The following MEI4 variants were observed in gnomAD, a reference collection of about 807,000 sequenced individuals.
The protein encoded by MEI4 is meiosis-specific protein MEI4.
In MEI4, 27 loss-of-function variants were observed where a neutral mutation model predicts 31.4. The ratio of observed to expected loss-of-function variants is 0.86; its 90% CI spans 0.63 to 1.19. The LOEUF is 1.19. MEI4 is among the 50% of genes most tolerant of loss of function. MEI4 has a pLI of 0.00. For synonymous variants in MEI4, 122 were observed against 145.4 expected (o/e 0.84, Z 1.16); for missense variants, 329 against 398.9 (o/e 0.82, Z 1.49).
intron 4 of MEI4, among the ~76,000 whole-genome samples, chr6:77,853,939 A>T (rs1770691231): frequency 6.6e-6 from 1 of 152,194 alleles, no homozygotes; most frequent in Admixed American, 6.5e-5. Context: ...AGTTCAACAT[A>T]ATTCAACATT....
At chr6:77,704,204 C>T (rs1582041814) in intron 2 of MEI4, among the ~76,000 whole-genome samples, 2 of 152,268 alleles carry the variant, frequency 1.3e-5, no homozygotes, top group South Asian at 4.1e-4. Context: ...TCATTTCTGA[C>T]AGGTTTTCTA....
intron 4 of MEI4, among the ~76,000 whole-genome samples, chr6:77,897,114 A>G (rs1766097794): frequency 6.6e-6 from 1 of 152,060 alleles, no homozygotes; most frequent in Non-Finnish European, 1.5e-5. Flanking sequence ...TAACTTTCCC[A>G]GATCATATAG....
At chr6:77,880,230 G>GTTTTTTTTTTTTT (rs1562023809) in intron 4 of MEI4, among the ~76,000 whole-genome samples, 1 of 136,898 alleles carries the variant, frequency 7.3e-6, no homozygotes, top group African/African-American at 2.8e-5. Flanking sequence ...GGTTTTTTTT[G>GTTTTTTTTTTTTT]TTTGTTTTTT....
chr6:77,745,012 A>G (rs1044173756), intron 2 of MEI4, among the ~76,000 whole-genome samples: 3 of 152,228 alleles, frequency 2.0e-5, no homozygotes, highest in Non-Finnish European at 2.9e-5. Flanking sequence ...CCACTGCAAA[A>G]TCATGCGAAA....
At chr6:77,884,377 A>C (rs112172117) in intron 4 of MEI4, among the ~76,000 whole-genome samples, 2,784 of 152,206 alleles carry the variant, frequency 0.018, 40 homozygotes, top group Non-Finnish European at 0.03. Flanking sequence ...ATATGTGTCT[A>C]TTATTGTTTT....
chr6:77,823,561 G>A (rs1769877588), intron 3 of MEI4, among the ~76,000 whole-genome samples: 1 of 152,092 alleles, frequency 6.6e-6, no homozygotes, highest in South Asian at 2.1e-4. Context: ...TAGATGTTTT[G>A]GTTATTTCTA....
At chr6:77,901,719 A>G (rs1457556574) in intron 4 of MEI4, among the ~76,000 whole-genome samples, 2 of 152,104 alleles carry the variant, frequency 1.3e-5, no homozygotes, top group Admixed American at 1.3e-4. Flanking sequence ...TTAGCTTAGT[A>G]TAATTCCATT....
chr6:77,909,445 C>G (rs1361910109), intron 4 of MEI4, among the ~76,000 whole-genome samples: 3 of 152,106 alleles, frequency 2.0e-5, no homozygotes, highest in Non-Finnish European at 2.9e-5. Flanking sequence ...TGCAAATAAA[C>G]TAGAAAATGT....
Position 77,925,809 on chromosome 6 carries a change from TTTA to T in MEI4, c.*2465_*2467del, listed in dbSNP as rs1286286282. ...ATGAGAGTAAATATATATTAAATAT[TTTA>T]TATACATTTATATAATAAAATATAT... On this transcript the variant is annotated 3_prime_UTR_variant, in exon 5 of 5. Transcript: ENST00000684080. The T allele has an allele frequency of 2.7e-5, 4 of 148,202 alleles. No individual in the cohort carries two copies. The highest frequency in any genetic ancestry group is 6.0e-5 in the Non-Finnish European group (4 of 67,182). 9.2% of individuals were successfully genotyped at this position (148,202 alleles called of 1,614,324 possible).
chr6:77,757,883 C>T (rs1231080171), intron 2 of MEI4, among the ~76,000 whole-genome samples: 3 of 152,034 alleles, frequency 2.0e-5, no homozygotes, highest in African/African-American at 7.2e-5. Flanking sequence ...ATAGGACAGG[C>T]GTGGTGGCTC....
At chr6:77,795,022 A>T (rs1769039097) in intron 3 of MEI4, among the ~76,000 whole-genome samples, 2 of 152,200 alleles carry the variant, frequency 1.3e-5, no homozygotes, top group South Asian at 4.1e-4. Flanking sequence ...ATATATTAAG[A>T]TGAAGAAAAA....
intron 4 of MEI4, among the ~76,000 whole-genome samples, chr6:77,836,158 G>T (rs57609737): frequency 6.6e-6 from 1 of 152,016 alleles, no homozygotes; most frequent in Non-Finnish European, 1.5e-5. Context: ...CTCTTTAGGT[G>T]TCAGACATGT....
chr6:77,795,474 G>A (rs111701397), intron 3 of MEI4, among the ~76,000 whole-genome samples: 123 of 151,968 alleles, frequency 8.1e-4, no homozygotes, highest in African/African-American at 2.8e-3. Context: ...ACACGCACAT[G>A]ACAATAGAAA....
intron 1 of MEI4, among the ~76,000 whole-genome samples, chr6:77,667,515 A>G (rs1260918594): frequency 1.3e-5 from 2 of 152,304 alleles, no homozygotes; most frequent in Non-Finnish European, 2.9e-5. Flanking sequence ...TTTGGCATTC[A>G]TATATAATAT....
chr6:77,654,527 T>A (rs1433544320), intron 1 of MEI4, among the ~76,000 whole-genome samples: 2 of 77,700 alleles, frequency 2.6e-5, no homozygotes, highest in Non-Finnish European at 5.0e-5. Flanking sequence ...AACCACAGAT[T>A]GAATATGTTT....
intron 2 of MEI4, among the ~76,000 whole-genome samples, chr6:77,746,659 G>T (rs1254040231): frequency 3.3e-5 from 5 of 149,602 alleles, no homozygotes; most frequent in African/African-American, 1.2e-4. Flanking sequence ...GTGTGTGTGT[G>T]TGTGTGTGTG....
intron 3 of MEI4, among the ~76,000 whole-genome samples, chr6:77,816,651 T>C (rs994335329): frequency 2.6e-5 from 4 of 152,158 alleles, no homozygotes; most frequent in Admixed American, 1.3e-4. Context: ...TTTGGGTATA[T>C]ACCCAGTAAT....
At chr6:77,802,948 T>C in intron 3 of MEI4, among the ~76,000 whole-genome samples, 1 of 152,184 alleles carries the variant, frequency 6.6e-6, no homozygotes, top group Non-Finnish European at 1.5e-5. Flanking sequence ...CAATTATGTG[T>C]CTTGGAGTTG....
intron 3 of MEI4, among the ~76,000 whole-genome samples, chr6:77,773,621 GTAATACCT>G (rs1768369473): frequency 6.6e-6 from 1 of 152,012 alleles, no homozygotes; most frequent in Non-Finnish European, 1.5e-5. Context: ...GGTTTCTTGA[GTAATACCT>G]CACAAGCAAA....
Sources: allele counts gnomAD v4.1 joint callset (sites outside exome capture counted in the v4.1 genomes callset), GRCh38; gene constraint gnomAD v4.1.1; transcripts MANE v1.5; gene names NCBI Gene and HGNC (gene_info 2026-07-23, HGNC 2026-07-21).